Variants in SYNDIG1L observed in about 807,000 individuals in gnomAD.
The protein encoded by SYNDIG1L is synapse differentiation-inducing gene protein 1-like.
In SYNDIG1L, 13 loss-of-function variants were observed where a neutral mutation model predicts 20.1. That is an observed-to-expected ratio of 0.65 (90% CI 0.42 to 1.03). The LOEUF (loss-of-function observed/expected upper bound fraction) is 1.03. Ranked by LOEUF, SYNDIG1L falls within the 50% of genes least tolerant of loss-of-function variation. The pLI, the probability that SYNDIG1L is intolerant of heterozygous loss-of-function variation, is 0.00. For synonymous variants in SYNDIG1L, 128 were observed against 129.3 expected (o/e 0.99, Z 0.07); for missense variants, 294 against 305.1 (o/e 0.96, Z 0.27).
chr14:74,422,151 G>A (rs532552096), intron 1 of SYNDIG1L, among the ~76,000 whole-genome samples: 1 of 152,278 alleles, frequency 6.6e-6, no homozygotes, highest in Non-Finnish European at 1.5e-5. Context: ...ATCTAATGGC[G>A]GAAGATAACA....
intron 1 of SYNDIG1L, among the ~76,000 whole-genome samples, chr14:74,413,073 C>T (rs72730166): frequency 6.6e-5 from 10 of 152,298 alleles, no homozygotes; most frequent in South Asian, 4.1e-4. Flanking sequence ...GGAAAGATAC[C>T]TGAAGACCAT....
chr14:74,459,932 C>T, the SYNDIG1L span, among the ~76,000 whole-genome samples: 1 of 152,190 alleles, frequency 6.6e-6, no homozygotes, highest in African/African-American at 2.4e-5. Flanking sequence ...CTTCTGCCAG[C>T]GAGGCTTCTG....
chr14:74,475,840 A>G, the SYNDIG1L span, among the ~76,000 whole-genome samples: 2 of 152,084 alleles, frequency 1.3e-5, no homozygotes, highest in Non-Finnish European at 2.9e-5. Context: ...TAACTAGAAA[A>G]CGATTCATCT....
the SYNDIG1L span, among the ~76,000 whole-genome samples, chr14:74,456,646 A>G: frequency 3.9e-5 from 6 of 152,070 alleles, no homozygotes; most frequent in African/African-American, 7.2e-5. Context: ...TTTTGTTTCC[A>G]TCTTATAAAA....
chr14:74,409,657 G>A lies in SYNDIG1L; in HGVS notation c.88C>T (p.Pro30Ser), dbSNP rs912601751. Residue 30 changes from proline to serine, a missense_variant, in exon 2 of 4, where the codon CCC becomes TCC. By Grantham distance (74) the Pro-to-Ser change is moderately conservative. Coordinates refer to ENST00000331628, the MANE Select transcript of SYNDIG1L (RefSeq NM_001105579.2). The stretch of plus-strand genomic sequence containing the variant: ...AGCTTTTCCTGGCAGGACCAGCTGG[G>A]TGGGGTCTCCGGGTAGGGATAGGGG... ...HGPYPYPETPPSWSCQEKLYS... is the reference protein window; with the variant it reads ...HGPYPYPETPSSWSCQEKLYS... 5 of 1,498,150 alleles carry A rather than the reference G, an allele frequency of 3.3e-6. No individual in the cohort carries two copies. The highest frequency in any genetic ancestry group is 4.4e-6 in the Non-Finnish European group (5 of 1,124,718). The allele number at this position is 1,498,150 out of a possible 1,614,324, so 92.8% of individuals were successfully genotyped here.
At chr14:74,461,892 G>T in the SYNDIG1L span, among the ~76,000 whole-genome samples, 1 of 131,596 alleles carries the variant, frequency 7.6e-6, no homozygotes, top group Non-Finnish European at 1.6e-5. Context: ...GGCCAGCCTG[G>T]GCAACATGGC....
chr14:74,457,449 C>CT, the SYNDIG1L span, among the ~76,000 whole-genome samples: 1 of 152,082 alleles, frequency 6.6e-6, no homozygotes, highest in African/African-American at 2.4e-5. Flanking sequence ...TCCCGCCCTG[C>CT]TTCTCTGGGC....
intron 2 of SYNDIG1L, among the ~76,000 whole-genome samples, chr14:74,408,273 C>A (rs2086100863): frequency 6.6e-6 from 1 of 152,142 alleles, no homozygotes; most frequent in East Asian, 1.9e-4. Context: ...AAGAGAAACA[C>A]TCTCAATGGG....
At chr14:74,435,684 G>A in the SYNDIG1L span, among the ~76,000 whole-genome samples, 1 of 152,222 alleles carries the variant, frequency 6.6e-6, no homozygotes, top group African/African-American at 2.4e-5. Flanking sequence ...GCTCAGACAG[G>A]TCATGGAATG....
At chr14:74,455,997 A>G in the SYNDIG1L span, among the ~76,000 whole-genome samples, 3 of 152,206 alleles carry the variant, frequency 2.0e-5, no homozygotes, top group Non-Finnish European at 4.4e-5. Flanking sequence ...TTATTTAGGT[A>G]TTAAGGGACA....
chr14:74,456,858 G>A, the SYNDIG1L span, among the ~76,000 whole-genome samples: 1 of 152,132 alleles, frequency 6.6e-6, no homozygotes, highest in South Asian at 2.1e-4. Context: ...GAGCCATGGA[G>A]GGAAGTCACT....
At chr14:74,473,565 T>C in the SYNDIG1L span, among the ~76,000 whole-genome samples, 1 of 152,158 alleles carries the variant, frequency 6.6e-6, no homozygotes, top group Non-Finnish European at 1.5e-5. Context: ...GTACTCTTCC[T>C]TTTTGCTGCC....
chr14:74,425,685 T>C (rs2086258619), intron 1 of SYNDIG1L, among the ~76,000 whole-genome samples: 1 of 152,126 alleles, frequency 6.6e-6, no homozygotes, highest in African/African-American at 2.4e-5. Flanking sequence ...CCTGATGTTG[T>C]GAGGTTATGG....
At chr14:74,447,231 T>A in the SYNDIG1L span, among the ~76,000 whole-genome samples, 1 of 152,160 alleles carries the variant, frequency 6.6e-6, no homozygotes, top group Admixed American at 6.5e-5. Context: ...AGTCTCTGCA[T>A]AATGAAAAAA....
At chr14:74,425,792 G>T (rs2086259586) in intron 1 of SYNDIG1L, 120 bp downstream of exon 1, 1 of 152,264 alleles carries the variant, frequency 6.6e-6, no homozygotes, top group Non-Finnish European at 1.5e-5. Context: ...GGAGCGCAAG[G>T]TGCGGCCAAG....
chr14:74,477,992 A>G, the SYNDIG1L span, among the ~76,000 whole-genome samples: 2 of 152,226 alleles, frequency 1.3e-5, no homozygotes, highest in East Asian at 3.8e-4. Flanking sequence ...GGCTTCATGT[A>G]GCCCCGCGAT....
chr14:74,458,075 C>G, the SYNDIG1L span, among the ~76,000 whole-genome samples: 3 of 152,170 alleles, frequency 2.0e-5, no homozygotes, highest in African/African-American at 7.2e-5. Flanking sequence ...GCTGGGATTA[C>G]GGGAGAGCCA....
chr14:74,478,532 G>A, the SYNDIG1L span, among the ~76,000 whole-genome samples: 2 of 152,184 alleles, frequency 1.3e-5, no homozygotes, highest in East Asian at 3.8e-4. Flanking sequence ...ATGGTATTGT[G>A]AGTCCTGTCT....
the SYNDIG1L span, among the ~76,000 whole-genome samples, chr14:74,458,258 T>C: frequency 6.6e-6 from 1 of 152,254 alleles, no homozygotes; most frequent in East Asian, 1.9e-4. Context: ...CTTTCAAATA[T>C]GATTGCCCCT....
Sources: gnomAD v4.1 joint callset for allele counts (sites outside exome capture counted in the v4.1 genomes callset) on GRCh38, gnomAD v4.1.1 for gene constraint, MANE v1.5 for transcripts, NCBI Gene and HGNC (gene_info 2026-07-23, HGNC 2026-07-21) for gene names.